The following NFE2L2 variants were observed in gnomAD, a reference collection of about 807,000 sequenced individuals.
NFE2L2 encodes nuclear factor erythroid 2-related factor 2.
A neutral mutation model predicts 49.6 loss-of-function variants in NFE2L2; 20 were observed. That is an observed-to-expected ratio of 0.40 (90% CI 0.28 to 0.59). The LOEUF (loss-of-function observed/expected upper bound fraction) is 0.59, where lower values mean the gene tolerates loss of function less well. Among genes scored for constraint, NFE2L2 ranks in the 20% least tolerant of loss-of-function variants. The pLI is 0.40. For missense variants in NFE2L2, 578 were observed against 714.2 expected, an observed-to-expected ratio of 0.81 and a Z score of 2.17; for synonymous variants, 244 against 256.5, an observed-to-expected ratio of 0.95 and a Z score of 0.47.
chr2:177,239,150 CA>C (rs1475953086), intron 1 of NFE2L2, among the ~76,000 whole-genome samples: 1 of 152,096 alleles, frequency 6.6e-6, no homozygotes, highest in East Asian at 1.9e-4. Flanking sequence ...AAAAATAAGA[CA>C]TGAAGCATTA....
At chr2:177,236,721 C>T (rs1689764174) in intron 1 of NFE2L2, among the ~76,000 whole-genome samples, 1 of 152,144 alleles carries the variant, frequency 6.6e-6, no homozygotes, top group African/African-American at 2.4e-5. Flanking sequence ...CTATGCATAT[C>T]CCTTTATATA....
In NFE2L2 at chr2:177,244,236, A is replaced by G. The variant is rs1206219782; in HGVS notation, c.46-9965T>C. On this transcript the variant is annotated intron_variant, in intron 1 of 4. Transcript: ENST00000397062. Reference sequence around the variant, plus strand: ...GAATCGCTTGAACCCGGGGAGGCAGAGGTTGCAGTGAGCCAAGATCGCGCC... The same window carrying G: ...GAATCGCTTGAACCCGGGGAGGCAGGGGTTGCAGTGAGCCAAGATCGCGCC... Among the ~76,000 whole-genome samples, 3 of 151,832 alleles carry G rather than the reference A, an allele frequency of 2.0e-5. No individual in the cohort carries two copies. The East Asian group carries it at 5.8e-4, about 30-fold the overall frequency.
intron 1 of NFE2L2, chr2:177,263,405 T>C (rs537388575): frequency 5.1e-6 from 5 of 985,500 alleles, no homozygotes; most frequent in South Asian, 4.7e-5. Context: ...ACTCTTACCC[T>C]TGACAGCACA....
intron 1 of NFE2L2, among the ~76,000 whole-genome samples, chr2:177,263,242 G>T (rs1007564705): frequency 6.6e-6 from 1 of 152,228 alleles, no homozygotes; most frequent in Non-Finnish European, 1.5e-5. Context: ...TCCACTCTCT[G>T]CCCCTGCAGA....
At chr2:177,232,192 G>A in intron 4 of NFE2L2, 184 bp from the exon 5 acceptor site, 1 of 894,216 alleles carries the variant, frequency 1.1e-6, no homozygotes, top group Non-Finnish European at 1.6e-6. Flanking sequence ...ATTATTTTCA[G>A]AGTTCCCAGA....
chr2:177,264,037 C>G, intron 1 of NFE2L2: 1 of 804,050 alleles, frequency 1.2e-6, no homozygotes, highest in African/African-American at 1.9e-5. Context: ...GGGTCCCAGC[C>G]CGAAGGCGAC....
At chr2:177,232,756 T>C (rs774743376) in intron 3 of NFE2L2, 173 bp from the exon 4 acceptor site, 5 of 618,730 alleles carry the variant, frequency 8.1e-6, no homozygotes, top group Non-Finnish European at 1.4e-5. Flanking sequence ...CCCCACTGAC[T>C]CAAATTTATA....
intron 1 of NFE2L2, among the ~76,000 whole-genome samples, chr2:177,260,228 G>T (rs955988666): frequency 2.0e-5 from 3 of 152,126 alleles, no homozygotes; most frequent in Non-Finnish European, 4.4e-5. Flanking sequence ...AGACAAGCAG[G>T]TTAAAAATGA....
rs1574277946 is a variant in NFE2L2 at position 177,252,311 on chromosome 2, C to T, written c.45+12221G>A. 3.3e-5 allele frequency among the ~76,000 whole-genome samples: 5 copies of T among 152,286 alleles called. No individual in the cohort carries two copies. In the South Asian group the frequency reaches 1.0e-3, roughly 32 times the overall value. On this transcript the variant is annotated intron_variant, in intron 1 of 4. Coordinates refer to ENST00000397062, the MANE Select transcript of NFE2L2 (RefSeq NM_006164.5). ...GAAGAGTTTGTCAGAGCACTTTGTACCGTGCCCAGTGTTGCAGAGAGTCCA... is the reference window on the plus strand; with the variant it reads ...GAAGAGTTTGTCAGAGCACTTTGTATCGTGCCCAGTGTTGCAGAGAGTCCA...
chr2:177,251,933 G>A (rs1300341034), intron 1 of NFE2L2, among the ~76,000 whole-genome samples: 3 of 148,746 alleles, frequency 2.0e-5, no homozygotes, highest in African/African-American at 7.5e-5. Context: ...GTGAACCCGG[G>A]AGGCGGAGCT....
At position 177,259,602 on chromosome 2, in the gene NFE2L2, A is replaced by C. The variant is rs982550360; in HGVS notation, c.45+4930T>G. Among the ~76,000 whole-genome samples the C allele has an allele frequency of 1.4e-4, 21 of 152,124 alleles. 1 individual carries two copies. The highest frequency in any genetic ancestry group is 4.8e-4 in the African/African-American group (20 of 41,438). On this transcript the variant is annotated intron_variant, in intron 1 of 4. Transcript: ENST00000397062. The stretch of plus-strand genomic sequence containing the variant: ...TAGGTAGCACAGGATTTTGTTTAAC[A>C]GTCTTGTTTTCATGTCTAGGGTATA...
chr2:177,230,893 A>T lies in NFE2L2; in HGVS notation c.1710T>A (p.Asp570Glu). 1 of 1,614,062 alleles carries T rather than the reference A, an allele frequency of 6.2e-7. No individual in the cohort carries two copies. The highest frequency in any genetic ancestry group is 8.5e-7 in the Non-Finnish European group (1 of 1,180,002). ...TAGGAGAATAAGGTTTTCCATCTTC[A>T]TCACGTAGCATGCTGAAAACTTCGA... ...LYLEVFSMLR[D>E]EDGKPYSPSE... is the part of the protein sequence containing the mutation. The change falls in exon 5 of 5, where the codon GAT (aspartate) becomes GAA (glutamate). Residue 570 changes from aspartate (D) to glutamate (E), a missense_variant. By Grantham distance (45) the Asp-to-Glu change is conservative. Coordinates refer to ENST00000397062, the MANE Select transcript of NFE2L2 (RefSeq NM_006164.5).
intron 1 of NFE2L2, among the ~76,000 whole-genome samples, chr2:177,252,864 C>T (rs1690393137): frequency 1.3e-5 from 2 of 152,198 alleles, no homozygotes; most frequent in Non-Finnish European, 2.9e-5. Context: ...GGCAGGAGCC[C>T]GCTCACCATC....
intron 1 of NFE2L2, among the ~76,000 whole-genome samples, chr2:177,253,095 C>G (rs1690400388): frequency 6.6e-6 from 1 of 152,208 alleles, no homozygotes; most frequent in Non-Finnish European, 1.5e-5. Flanking sequence ...TAGTCCAGCT[C>G]ATATCTGCAC....
At chr2:177,263,058 T>C (rs1206198503) in intron 1 of NFE2L2, among the ~76,000 whole-genome samples, 1 of 152,276 alleles carries the variant, frequency 6.6e-6, no homozygotes, top group Non-Finnish European at 1.5e-5. Context: ...ACGTATTTAC[T>C]GTACATCAAG....
At chr2:177,236,083 G>A (rs1689739217) in intron 1 of NFE2L2, among the ~76,000 whole-genome samples, 1 of 152,274 alleles carries the variant, frequency 6.6e-6, no homozygotes, top group African/African-American at 2.4e-5. Flanking sequence ...AGTGGGTACA[G>A]TGTAGACACG....
chr2:177,242,075 A>G (rs1170142269), intron 1 of NFE2L2, among the ~76,000 whole-genome samples: 1 of 152,242 alleles, frequency 6.6e-6, no homozygotes, highest in Non-Finnish European at 1.5e-5. Context: ...TTTCTCAGCA[A>G]GAATTCTAGG....
chr2:177,254,107 T>G (rs1690434070), intron 1 of NFE2L2, among the ~76,000 whole-genome samples: 1 of 152,224 alleles, frequency 6.6e-6, no homozygotes, highest in South Asian at 2.1e-4. Flanking sequence ...TAACTTCATC[T>G]CCTTGAAAAT....
At chr2:177,247,916 A>C (rs962941809) in intron 1 of NFE2L2, among the ~76,000 whole-genome samples, 4 of 152,192 alleles carry the variant, frequency 2.6e-5, no homozygotes. Context: ...CAAACGTGAC[A>C]GGCAAAATCA....
Sources: gnomAD v4.1 joint callset for allele counts (sites outside exome capture counted in the v4.1 genomes callset) on GRCh38, gnomAD v4.1.1 for gene constraint, MANE v1.5 for transcripts, NCBI Gene and HGNC (gene_info 2026-07-23, HGNC 2026-07-21) for gene names.